TIA1: variants seen among roughly 807,000 people sequenced by gnomAD.
TIA1 encodes the protein TIA1 cytotoxic granule associated RNA binding protein.
A neutral mutation model predicts 65.9 loss-of-function variants in TIA1; 23 were observed. The observed-to-expected ratio is 0.35, with a 90% CI of 0.25 to 0.49. The LOEUF is 0.49. TIA1 is among the 20% of genes least tolerant of loss of function. The probability of loss-of-function intolerance (pLI) is 0.98; values close to 1 mark genes in which losing one functional copy is unlikely to be tolerated. For synonymous variants in TIA1, 147 were observed against 149.4 expected (o/e 0.98, Z 0.12); for missense variants, 371 against 477.9 (o/e 0.78, Z 2.09).
intron 1 of TIA1, among the ~76,000 whole-genome samples, chr2:70,238,022 G>A (rs1186761339): frequency 2.6e-5 from 4 of 151,598 alleles, no homozygotes; most frequent in Admixed American, 1.3e-4. Context: ...TTAGCTGGGC[G>A]TGGTGGTGGG....
At position 70,210,902 on chromosome 2, in the gene TIA1, T is replaced by G. The variant is rs1171387690; in HGVS notation, c.*1817A>C. 2 of 152,194 alleles carry G rather than the reference T, an allele frequency of 1.3e-5. No homozygotes were observed. The highest frequency in any genetic ancestry group is 2.9e-5 in the Non-Finnish European group (2 of 68,036). The allele number at this position is 152,194 out of a possible 1,614,324, so 9.4% of individuals were successfully genotyped here. On this transcript the variant is annotated 3_prime_UTR_variant, in exon 13 of 13. Coordinates refer to ENST00000433529, the MANE Select transcript of TIA1 (RefSeq NM_022173.4). ...TCAACACTTAAAAATACACAGTGACTTAATGAAATATCAGCACAACTGCAT... is the reference window on the plus strand; with the variant it reads ...TCAACACTTAAAAATACACAGTGACGTAATGAAATATCAGCACAACTGCAT...
chr2:70,229,320 T>TA lies in TIA1; in HGVS notation c.223-3dup, dbSNP rs750862626. On this transcript the variant is annotated splice_polypyrimidine_tract_variant and splice_region_variant and intron_variant, in intron 3 of 12. Transcript: ENST00000433529. ...TGTTGCCCAATTCACTTTGACTTCC[T>TA]AAAAAAAAAAAATTTCTACATTTAT... is the stretch of plus-strand genomic sequence containing the variant. The TA allele has an allele frequency of 0.04, 39,990 of 1,009,730 alleles. No homozygotes were observed. The highest frequency in any genetic ancestry group is 0.046 in the South Asian group (2,412 of 52,472). 62.5% of individuals were successfully genotyped at this position (1,009,730 alleles called of 1,614,324 possible). A position where few individuals can be genotyped will look rare whatever the true frequency, so the allele number is the denominator to read the frequency against.
rs1371291100 is a variant in TIA1 at position 70,248,453 on chromosome 2, C to T, written c.-23G>A. ...CATGGCTGCTGCTGTCGCGGCGGCG[C>T]CTCCAGGTCCAGCTCCCTGCCCTTC... On this transcript the variant is annotated 5_prime_UTR_variant, in exon 1 of 13. Coordinates refer to ENST00000433529, the MANE Select transcript of TIA1 (RefSeq NM_022173.4). 1.2e-6 allele frequency: 2 copies of T among 1,600,782 alleles called. No individual in the cohort carries two copies. Among genetic ancestry groups the T allele is most frequent in the South Asian group, 2.2e-5 (2 of 91,074 alleles).
chr2:70,241,243 C>A (rs1241636869), intron 1 of TIA1, among the ~76,000 whole-genome samples: 3 of 152,038 alleles, frequency 2.0e-5, no homozygotes, highest in Non-Finnish European at 4.4e-5. Flanking sequence ...AGATCAAGAC[C>A]ATCCTGGCCA....
chr2:70,236,866 G>A (rs1008556261), intron 1 of TIA1, among the ~76,000 whole-genome samples: 2 of 152,056 alleles, frequency 1.3e-5, no homozygotes, highest in Non-Finnish European at 2.9e-5. Context: ...GGGTTCAAGC[G>A]ATCTGCCTGC....
In TIA1 at chr2:70,214,426, A is replaced by T; in HGVS notation, c.957T>A (p.Ile319=). 6.2e-7 allele frequency: 1 copy of T among 1,614,108 alleles called. No homozygotes were observed. The highest frequency in any genetic ancestry group is 8.5e-7 in the Non-Finnish European group (1 of 1,179,994). The stretch of plus-strand genomic sequence containing the variant: ...GCCAACCATTAGGCATATACTGGCC[A>T]ATTTGTTGTGCATTTCCATACCACT... ...WGQWYGNAQQ[I]GQYMPNGWQV... is the part of the protein sequence containing the mutation. The change falls in exon 12 of 13, where the codon ATT becomes ATA. Residue 319 remains isoleucine (I), a synonymous_variant. Coordinates refer to ENST00000433529, the MANE Select transcript of TIA1 (RefSeq NM_022173.4).
chr2:70,222,695 C>A (rs1452853495), intron 7 of TIA1, among the ~76,000 whole-genome samples: 1 of 152,216 alleles, frequency 6.6e-6, no homozygotes, highest in Admixed American at 6.5e-5. Context: ...GCAGGTGGAT[C>A]ACAAGGTCAG....
At chr2:70,229,667 G>A (rs1490999393) in intron 3 of TIA1, among the ~76,000 whole-genome samples, 1 of 152,110 alleles carries the variant, frequency 6.6e-6, no homozygotes, top group African/African-American at 2.4e-5. Context: ...AACATAGGCT[G>A]CTGGCTGACG....
intron 5 of TIA1, chr2:70,228,465 GA>G: frequency 7.9e-7 from 1 of 1,273,690 alleles, no homozygotes; most frequent in South Asian, 1.3e-5. Flanking sequence ...AACTAAGACT[GA>G]AGGCAACAGA....
intron 12 of TIA1, 25 bp from the exon 13 acceptor site, chr2:70,212,870 G>C: frequency 6.7e-7 from 1 of 1,499,546 alleles, no homozygotes. Flanking sequence ...GAAAGAAGCA[G>C]AGGGGAGAGG....
chr2:70,244,291 T>C (rs939018863), intron 1 of TIA1, among the ~76,000 whole-genome samples: 1 of 152,178 alleles, frequency 6.6e-6, no homozygotes, highest in African/African-American at 2.4e-5. Flanking sequence ...CCCTTCCTCC[T>C]TACCATGCAT....
intron 7 of TIA1, chr2:70,217,297 G>C (rs1573231514): frequency 5.2e-6 from 1 of 192,302 alleles, no homozygotes. Flanking sequence ...TCAGCCTCCT[G>C]AGTAGCGGGG....
intron 1 of TIA1, among the ~76,000 whole-genome samples, chr2:70,242,702 T>G (rs1337890673): frequency 6.6e-6 from 1 of 152,082 alleles, no homozygotes; most frequent in Non-Finnish European, 1.5e-5. Context: ...TGTTAGGAAC[T>G]GGGCCACACA....
intron 3 of TIA1, among the ~76,000 whole-genome samples, chr2:70,230,421 C>G (rs1426417371): frequency 1.3e-5 from 2 of 152,100 alleles, no homozygotes; most frequent in African/African-American, 4.8e-5. Flanking sequence ...GAAGCCGAGG[C>G]AGGCAGATCA....
chr2:70,230,409 G>T (rs906155585), intron 3 of TIA1, among the ~76,000 whole-genome samples: 10 of 152,010 alleles, frequency 6.6e-5, no homozygotes, highest in Admixed American at 4.6e-4. Context: ...CCAACACTTT[G>T]CGAAGCCGAG....
In TIA1 at chr2:70,217,249, G is replaced by GC. The variant is rs1488805741; in HGVS notation, c.475-256dup. ...TGCAGTGGTGTGATCTTGGGTCACTGCAACCTCCGCCAACTGGGTTCAAGC... is the reference window on the plus strand; with the variant it reads ...TGCAGTGGTGTGATCTTGGGTCACTGCCAACCTCCGCCAACTGGGTTCAAGC... On this transcript the variant is annotated intron_variant, in intron 7 of 12. Coordinates refer to ENST00000433529, the MANE Select transcript of TIA1 (RefSeq NM_022173.4). The GC allele has an allele frequency of 1.3e-5, 3 of 234,158 alleles. No homozygotes were observed. In the Admixed American group the frequency reaches 1.7e-4, roughly 13 times the overall value. 14.5% of individuals were successfully genotyped at this position (234,158 alleles called of 1,614,324 possible). A position where few individuals can be genotyped will look rare whatever the true frequency, so the allele number is the denominator to read the frequency against.
At chr2:70,232,199 ACT>A (rs1403943534) in intron 2 of TIA1, among the ~76,000 whole-genome samples, 3 of 125,578 alleles carry the variant, frequency 2.4e-5, no homozygotes, top group Non-Finnish European at 5.0e-5. Context: ...ACAGAGCGAG[ACT>A]CTGTCTCAAA....
At chr2:70,238,260 GTTT>G (rs763865705) in intron 1 of TIA1, among the ~76,000 whole-genome samples, 2 of 94,616 alleles carry the variant, frequency 2.1e-5, no homozygotes, top group African/African-American at 8.9e-5. Context: ...GTTCCCCCAA[GTTT>G]TTTTTTTTTT....
chr2:70,215,908 C>T (rs977478295), intron 10 of TIA1, among the ~76,000 whole-genome samples: 2 of 151,986 alleles, frequency 1.3e-5, no homozygotes, highest in Non-Finnish European at 2.9e-5. Context: ...ACCGCCATGC[C>T]GGCTAATTTT....
Sources: allele counts gnomAD v4.1 joint callset (sites outside exome capture counted in the v4.1 genomes callset), GRCh38; gene constraint gnomAD v4.1.1; transcripts MANE v1.5; gene names NCBI Gene and HGNC (gene_info 2026-07-23, HGNC 2026-07-21).